The following UGT1A8 variants were observed in gnomAD, a reference collection of about 807,000 sequenced individuals.
UGT1A8 encodes UDP-glucuronosyltransferase 1A8.
In UGT1A8, 39 loss-of-function variants were observed where a neutral mutation model predicts 45.3. The ratio of observed to expected loss-of-function variants is 0.86; its 90% CI spans 0.67 to 1.12. The LOEUF (loss-of-function observed/expected upper bound fraction) is 1.12. Ranked by LOEUF, UGT1A8 falls within the 50% of genes most tolerant of loss-of-function variation. UGT1A8 has a pLI of 0.00. For synonymous variants in UGT1A8, 275 were observed against 249.2 expected (o/e 1.10, Z -0.97); for missense variants, 719 against 664.9 (o/e 1.08, Z -0.90).
Position 233,636,623 on chromosome 2 carries a change from A to G in UGT1A8, c.855+18061A>G, listed in dbSNP as rs777708802. 8.7e-6 allele frequency: 14 copies of G among 1,613,892 alleles called. No homozygotes were observed. The African/African-American group carries it at 9.4e-5, about 11-fold the overall frequency. On this transcript the variant is annotated intron_variant, in intron 1 of 4. Coordinates refer to ENST00000373450, the MANE Select transcript of UGT1A8 (RefSeq NM_019076.5). ...GGGAAGCTGCTGGTAGTGCCCATGG[A>G]TGGGAGTCACTGGTTCACCATGCAG...
At chr2:233,714,526 A>T (rs988419180) in intron 1 of UGT1A8, among the ~76,000 whole-genome samples, 1 of 152,254 alleles carries the variant, frequency 6.6e-6, no homozygotes, top group Non-Finnish European at 1.5e-5. Flanking sequence ...GGTTAACTTC[A>T]TGGTCTAATA....
Position 233,665,351 on chromosome 2 carries a change from A to G in UGT1A8, c.855+46789A>G, listed in dbSNP as rs372685387. Among the ~76,000 whole-genome samples the G allele has an allele frequency of 2.6e-5, 4 of 152,302 alleles. No homozygotes were observed. The East Asian group carries it at 7.7e-4, about 29-fold the overall frequency. ...AAACACTCTTTAATACTTTCTTTAC[A>G]TTACTATATTTCCATATTCGTAGCC... On this transcript the variant is annotated intron_variant, in intron 1 of 4. Transcript: ENST00000373450.
chr2:233,772,994 C>G lies in UGT1A8; in HGVS notation c.*435C>G, dbSNP rs1700561362. The G allele has an allele frequency of 1.2e-5, 3 of 254,612 alleles. No homozygotes were observed. Among genetic ancestry groups the G allele is most frequent in the Admixed American group, 5.0e-5 (1 of 19,886 alleles). The allele number at this position is 254,612 out of a possible 1,614,324, so 15.8% of individuals were successfully genotyped here. On this transcript the variant is annotated 3_prime_UTR_variant, in exon 5 of 5. Transcript: ENST00000373450. Reference sequence around the variant, plus strand: ...AACCAATAATGGTCAGTCCTCATCTCTGTCGTGCTTCATAGGTGCCACCTT... The same window carrying G: ...AACCAATAATGGTCAGTCCTCATCTGTGTCGTGCTTCATAGGTGCCACCTT...
intron 1 of UGT1A8, among the ~76,000 whole-genome samples, chr2:233,640,962 G>A (rs1200721574): frequency 6.6e-6 from 1 of 152,146 alleles, no homozygotes; most frequent in African/African-American, 2.4e-5. Context: ...TCATGGTCTA[G>A]GACACATAGC....
At chr2:233,712,980 G>T (rs1266934169) in intron 1 of UGT1A8, 4 of 1,613,154 alleles carry the variant, frequency 2.5e-6, no homozygotes, top group Non-Finnish European at 3.4e-6. Context: ...GCTGTCGGTG[G>T]CTTCTGCTGA....
intron 1 of UGT1A8, among the ~76,000 whole-genome samples, chr2:233,704,998 T>C (rs2075816736): frequency 6.6e-6 from 1 of 151,990 alleles, no homozygotes; most frequent in African/African-American, 2.4e-5. Flanking sequence ...TAGCCGGGTA[T>C]GGTGGCAGGC....
chr2:233,733,834 A>G (rs887366512), intron 1 of UGT1A8, among the ~76,000 whole-genome samples: 1 of 152,086 alleles, frequency 6.6e-6, no homozygotes, highest in Admixed American at 6.6e-5. Flanking sequence ...TGAGTTAGGG[A>G]GGATTCCCTC....
intron 1 of UGT1A8, among the ~76,000 whole-genome samples, chr2:233,621,953 T>C (rs1252505586): frequency 6.6e-6 from 1 of 152,174 alleles, no homozygotes; most frequent in African/African-American, 2.4e-5. Flanking sequence ...ATTGTTCAAC[T>C]CCTACTTACG....
chr2:233,743,650 G>T, intron 1 of UGT1A8: 1 of 1,367,276 alleles, frequency 7.3e-7, no homozygotes, highest in Non-Finnish European at 9.8e-7. Context: ...AGCTGAAGAC[G>T]TACTCGAAGG....
intron 1 of UGT1A8, among the ~76,000 whole-genome samples, chr2:233,668,217 C>T (rs370158417): frequency 2.2e-4 from 33 of 152,120 alleles, no homozygotes; most frequent in African/African-American, 7.7e-4. Flanking sequence ...ACCCCCACCT[C>T]TCGACAGGCC....
rs570716723 is a variant in UGT1A8, at chr2:233,628,902, A to T, written c.855+10340A>T. On this transcript the variant is annotated intron_variant, in intron 1 of 4. Transcript: ENST00000373450. ...GCTTATACTTTTTTAGTTTATTTAT[A>T]TGGTATGTTACTTTAATTGATTTAT... is the stretch of plus-strand genomic sequence containing the variant. Among the ~76,000 whole-genome samples, 3 of 152,214 alleles carry T rather than the reference A, an allele frequency of 2.0e-5. No homozygotes were observed. In the South Asian group the frequency reaches 6.2e-4, roughly 32 times the overall value.
Position 233,767,856 on chromosome 2 carries a change from G to C in UGT1A8, c.995G>C (p.Trp332Ser), listed in dbSNP as rs1181740769. ...ALGKIPQTVL[W>S]RYTGTRPSNL... Reference sequence around the variant, plus strand: ...TCTTTTTGCCCCTCCCAGGTCCTGTGGCGGTACACTGGAACCCGACCATCG... The same window carrying C: ...TCTTTTTGCCCCTCCCAGGTCCTGTCGCGGTACACTGGAACCCGACCATCG... The change falls in exon 3 of 5, where the codon TGG becomes TCG. Residue 332 changes from tryptophan (W) to serine (S), a missense_variant. Physicochemically the swap from Trp to Ser is radical, Grantham distance 177. Coordinates refer to ENST00000373450, the MANE Select transcript of UGT1A8 (RefSeq NM_019076.5). 1 of 1,614,108 alleles carries C rather than the reference G, an allele frequency of 6.2e-7. No individual in the cohort carries two copies. Among genetic ancestry groups the C allele is most frequent in the South Asian group, 1.1e-5 (1 of 91,082 alleles).
At chr2:233,729,782 C>T (rs764191993) in intron 1 of UGT1A8, 4 of 1,613,938 alleles carry the variant, frequency 2.5e-6, no homozygotes, top group Non-Finnish European at 2.5e-6. Flanking sequence ...TACCCTCTGG[C>T]CCTGTCCTAC....
At chr2:233,696,632 A>G (rs1267389577) in intron 1 of UGT1A8, among the ~76,000 whole-genome samples, 1 of 151,990 alleles carries the variant, frequency 6.6e-6, no homozygotes, top group Non-Finnish European at 1.5e-5. Context: ...CTCTTGCTTA[A>G]TTGCTTTGGA....
At chr2:233,670,476 T>C (rs1163362967) in intron 1 of UGT1A8, among the ~76,000 whole-genome samples, 1 of 152,250 alleles carries the variant, frequency 6.6e-6, no homozygotes, top group East Asian at 1.9e-4. Flanking sequence ...GGGTTTGTGT[T>C]GTAAAATAAG....
intron 1 of UGT1A8, among the ~76,000 whole-genome samples, chr2:233,716,620 A>T (rs1358679333): frequency 6.6e-6 from 1 of 152,166 alleles, no homozygotes; most frequent in East Asian, 1.9e-4. Flanking sequence ...GGTTTATTCT[A>T]GTGAAGTTTT....
Position 233,693,758 on chromosome 2 carries a change from G to T in UGT1A8, c.856-73276G>T. The T allele has an allele frequency of 2.5e-6, 4 of 1,614,234 alleles. No individual in the cohort carries two copies. The highest frequency in any genetic ancestry group is 3.4e-6 in the Non-Finnish European group (4 of 1,180,050). On this transcript the variant is annotated intron_variant, in intron 1 of 4. Transcript: ENST00000373450. ...AATCACCTTATATCAGAAGGTCTCT[G>T]TTTGGCTGTTAAGATATGACTTTGT...
intron 4 of UGT1A8, 114 bp downstream of exon 4, chr2:233,768,553 AT>A (rs1280927222): frequency 2.3e-5 from 34 of 1,477,264 alleles, no homozygotes; most frequent in Non-Finnish European, 2.9e-5. Context: ...ATAAAAACAA[AT>A]ACATAAAAAT....
At chr2:233,625,291 A>G (rs1425605459) in intron 1 of UGT1A8, among the ~76,000 whole-genome samples, 1 of 152,158 alleles carries the variant, frequency 6.6e-6, no homozygotes, top group African/African-American at 2.4e-5. Context: ...AAGAAACAAT[A>G]GATGCTTGTG....
Sources: gnomAD v4.1 joint callset for allele counts (sites outside exome capture counted in the v4.1 genomes callset) on GRCh38, gnomAD v4.1.1 for gene constraint, MANE v1.5 for transcripts, NCBI Gene and HGNC (gene_info 2026-07-23, HGNC 2026-07-21) for gene names.